MSRA: variants seen among roughly 807,000 people sequenced by gnomAD.
The protein encoded by MSRA is mitochondrial peptide methionine sulfoxide reductase.
MSRA carries 54 observed loss-of-function variants against 31.3 expected under a neutral mutation model. The ratio of observed to expected loss-of-function variants is 1.73; its 90% CI spans 1.39 to 2.17. The LOEUF (loss-of-function observed/expected upper bound fraction) is 2.17. MSRA is among the 30% of genes most tolerant of loss of function. The pLI is 0.00. For synonymous variants in MSRA, 169 were observed against 116.5 expected, an observed-to-expected ratio of 1.45 and a Z score of -2.90; for missense variants, 507 against 300.9, an observed-to-expected ratio of 1.69 and a Z score of -5.07.
chr8:10,404,735 G>A (rs561219823), intron 5 of MSRA, among the ~76,000 whole-genome samples: 218 of 152,340 alleles, frequency 1.4e-3, no homozygotes, highest in African/African-American at 4.5e-3. Flanking sequence ...GGGGTTTCAG[G>A]GGCAGCCAGA....
At chr8:10,404,832 G>T (rs1269918668) in intron 5 of MSRA, among the ~76,000 whole-genome samples, 1 of 152,130 alleles carries the variant, frequency 6.6e-6, no homozygotes, top group African/African-American at 2.4e-5. Flanking sequence ...GACCATGGAT[G>T]TGGCGTGTCC....
At chr8:10,332,476 C>G (rs1031463663) in intron 5 of MSRA, among the ~76,000 whole-genome samples, 4 of 148,324 alleles carry the variant, frequency 2.7e-5, no homozygotes, top group African/African-American at 5.0e-5. Flanking sequence ...GTATGCCTAG[C>G]AATAGGGATA....
At chr8:10,239,730 G>C (rs1204872541) in intron 2 of MSRA, among the ~76,000 whole-genome samples, 1 of 152,218 alleles carries the variant, frequency 6.6e-6, no homozygotes, top group African/African-American at 2.4e-5. Flanking sequence ...ACAGAGCCAA[G>C]AGTGTGGGAA....
chr8:10,261,216 C>G (rs1339184855), intron 3 of MSRA, among the ~76,000 whole-genome samples: 1 of 151,992 alleles, frequency 6.6e-6, no homozygotes, highest in Non-Finnish European at 1.5e-5. Flanking sequence ...CTTTAAGTTG[C>G]TATTTACTCA....
chr8:10,347,288 C>T (rs751494299), intron 5 of MSRA, among the ~76,000 whole-genome samples: 8 of 152,322 alleles, frequency 5.3e-5, no homozygotes, highest in African/African-American at 1.9e-4. Context: ...AAATCTCCCT[C>T]TTTCCACTCC....
intron 5 of MSRA, among the ~76,000 whole-genome samples, chr8:10,388,764 T>G (rs577049827): frequency 3.2e-4 from 48 of 152,040 alleles, no homozygotes; most frequent in African/African-American, 1.1e-3. Flanking sequence ...GATAATTCCG[T>G]GTTGGGGGAG....
chr8:10,338,587 C>G (rs562668202), intron 5 of MSRA, among the ~76,000 whole-genome samples: 1 of 152,300 alleles, frequency 6.6e-6, no homozygotes, highest in Non-Finnish European at 1.5e-5. Flanking sequence ...ATTAAAACAT[C>G]ATGCACTCCA....
intron 2 of MSRA, among the ~76,000 whole-genome samples, chr8:10,208,211 A>ATT (rs796930545): frequency 0.027 from 4,018 of 146,470 alleles, 182 homozygotes; most frequent in African/African-American, 0.094. Context: ...GCTAGCACGG[A>ATT]TTTTTTTTTT....
In MSRA at chr8:10,219,537, C is replaced by T. The variant is rs565876497; in HGVS notation, c.211+11636C>T. On this transcript the variant is annotated intron_variant, in intron 2 of 5. Coordinates refer to ENST00000317173, the MANE Select transcript of MSRA (RefSeq NM_012331.5). ...CCCATGAATGAAATTTGGCTGGGTG[C>T]GGTGGCTCACACCTGTAATCCCAGC... 5.3e-5 allele frequency among the ~76,000 whole-genome samples: 8 copies of T among 152,088 alleles called. No individual in the cohort carries two copies. In the South Asian group the frequency reaches 8.3e-4, roughly 16 times the overall value.
At chr8:10,059,125 AG>A (rs1802558945) in intron 1 of MSRA, 1 of 152,194 alleles carries the variant, frequency 6.6e-6, no homozygotes, top group African/African-American at 2.4e-5. Flanking sequence ...AGTGGGGAAA[AG>A]GTGAAATATT....
intron 1 of MSRA, among the ~76,000 whole-genome samples, chr8:10,108,632 C>T (rs780104954): frequency 4.6e-5 from 7 of 152,178 alleles, no homozygotes; most frequent in Non-Finnish European, 7.3e-5. Flanking sequence ...GAAGTTTGCA[C>T]GTAGAAACTT....
At chr8:10,159,486 C>T (rs916301715) in intron 1 of MSRA, among the ~76,000 whole-genome samples, 1 of 152,210 alleles carries the variant, frequency 6.6e-6, no homozygotes, top group Non-Finnish European at 1.5e-5. Context: ...CCTCTTACTT[C>T]TGGAGCTTTG....
At chr8:10,245,589 C>T (rs1005167344) in intron 3 of MSRA, among the ~76,000 whole-genome samples, 1 of 152,218 alleles carries the variant, frequency 6.6e-6, no homozygotes, top group East Asian at 1.9e-4. Context: ...CTGTGGGTTG[C>T]CTGGGGGCTA....
chr8:10,403,552 C>T (rs73662827), intron 5 of MSRA, among the ~76,000 whole-genome samples: 1,975 of 152,230 alleles, frequency 0.013, 51 homozygotes, highest in African/African-American at 0.045. Flanking sequence ...AGGTGGTCCG[C>T]GGCACTGAAG....
intron 2 of MSRA, among the ~76,000 whole-genome samples, chr8:10,239,075 G>C (rs191480153): frequency 6.6e-6 from 1 of 151,948 alleles, no homozygotes; most frequent in Non-Finnish European, 1.5e-5. Context: ...AAAATGAACA[G>C]AGGCACTTTA....
intron 3 of MSRA, among the ~76,000 whole-genome samples, chr8:10,255,883 T>A (rs1798150530): frequency 6.6e-6 from 1 of 152,078 alleles, no homozygotes; most frequent in East Asian, 1.9e-4. Context: ...ACAGCAAAAC[T>A]GAGCAGAATG....
chr8:10,076,913 A>G (rs957485759), intron 1 of MSRA, among the ~76,000 whole-genome samples: 1 of 151,984 alleles, frequency 6.6e-6, no homozygotes, highest in Non-Finnish European at 1.5e-5. Flanking sequence ...AGGAGGGAGA[A>G]CATTAGAAAA....
intron 1 of MSRA, among the ~76,000 whole-genome samples, chr8:10,130,240 C>T (rs1462379006): frequency 6.6e-6 from 1 of 152,170 alleles, no homozygotes; most frequent in African/African-American, 2.4e-5. Context: ...CAGTGTGGAA[C>T]ATTTCTCAGC....
intron 1 of MSRA, among the ~76,000 whole-genome samples, chr8:10,094,657 G>A (rs1002898978): frequency 2.0e-5 from 3 of 152,174 alleles, no homozygotes. Flanking sequence ...TCTAGAATGT[G>A]GCTCTTTTCT....
Sources: allele counts gnomAD v4.1 joint callset (sites outside exome capture counted in the v4.1 genomes callset), GRCh38; gene constraint gnomAD v4.1.1; transcripts MANE v1.5; gene names NCBI Gene and HGNC (gene_info 2026-07-23, HGNC 2026-07-21).